MUSK: variants seen among roughly 807,000 people sequenced by gnomAD.
MUSK encodes the protein muscle, skeletal receptor tyrosine-protein kinase.
In MUSK, 55 loss-of-function variants were observed where a neutral mutation model predicts 88.7. The observed-to-expected ratio is 0.62, with a 90% CI of 0.50 to 0.78. MUSK has a LOEUF of 0.78. Among genes scored for constraint, MUSK ranks in the 30% least tolerant of loss-of-function variants. The pLI, the probability that MUSK is intolerant of heterozygous loss-of-function variation, is 0.00. For missense variants in MUSK, 1,015 were observed against 1,074.3 expected, an observed-to-expected ratio of 0.94 and a Z score of 0.77; for synonymous variants, 387 against 391.9, an observed-to-expected ratio of 0.99 and a Z score of 0.15.
intron 1 of MUSK, among the ~76,000 whole-genome samples, chr9:110,670,823 C>A (rs911474350): frequency 3.3e-5 from 5 of 152,024 alleles, no homozygotes; most frequent in African/African-American, 9.7e-5. Flanking sequence ...AGCCAAAATA[C>A]CATGTCTAGG....
At chr9:110,763,590 G>A (rs1238997845) in intron 8 of MUSK, among the ~76,000 whole-genome samples, 2 of 152,196 alleles carry the variant, frequency 1.3e-5, no homozygotes, top group Non-Finnish European at 2.9e-5. Context: ...AAGTAGCACA[G>A]AATCTGTCAT....
intron 5 of MUSK, among the ~76,000 whole-genome samples, chr9:110,699,795 G>A (rs1245454055): frequency 6.6e-6 from 1 of 152,160 alleles, no homozygotes; most frequent in African/African-American, 2.4e-5. Flanking sequence ...AATTAGTTAT[G>A]CAGTGACTAT....
chr9:110,804,369 A>G lies in MUSK; in HGVS notation c.*3381A>G, dbSNP rs1229395152. Among the ~76,000 whole-genome samples the G allele has an allele frequency of 6.6e-6, 1 of 152,150 alleles. No homozygotes were observed. The highest frequency in any genetic ancestry group is 1.5e-5 in the Non-Finnish European group (1 of 67,984). ...CTGCAGAAATATTACTGCCACTTCT[A>G]CATTGTACAAGAGATCTCATAGCCC... On this transcript the variant is annotated 3_prime_UTR_variant, in exon 15 of 15. Coordinates refer to ENST00000374448, the MANE Select transcript of MUSK (RefSeq NM_005592.4).
At position 110,806,416 on chromosome 9, in the gene MUSK, C is replaced by T. The variant is rs529656; in HGVS notation, c.*5428C>T. On this transcript the variant is annotated 3_prime_UTR_variant, in exon 15 of 15. Coordinates refer to ENST00000374448, the MANE Select transcript of MUSK (RefSeq NM_005592.4). The stretch of plus-strand genomic sequence containing the variant: ...TCAGTCAACTATACACCTATTTCTA[C>T]GCTGTCAACTATATGTTCATTTCTA... 4.4e-3 allele frequency among the ~76,000 whole-genome samples: 664 copies of T among 152,276 alleles called. 2 individuals carry two copies. The highest frequency in any genetic ancestry group is 7.1e-3 in the Non-Finnish European group (482 of 68,014).
intron 7 of MUSK, among the ~76,000 whole-genome samples, chr9:110,757,212 A>G: frequency 6.6e-6 from 1 of 152,188 alleles, no homozygotes; most frequent in South Asian, 2.1e-4. Flanking sequence ...GTATCCCAGC[A>G]CTTTGGGAGG....
chr9:110,751,607 T>C (rs944098918), intron 7 of MUSK, among the ~76,000 whole-genome samples: 2 of 152,130 alleles, frequency 1.3e-5, no homozygotes, highest in African/African-American at 2.4e-5. Flanking sequence ...GAACCAGCTA[T>C]GACTTTTCAT....
chr9:110,736,966 A>G (rs1009144354), intron 6 of MUSK, among the ~76,000 whole-genome samples: 1 of 151,922 alleles, frequency 6.6e-6, no homozygotes, highest in African/African-American at 2.4e-5. Flanking sequence ...GTTCTTTTAT[A>G]TCTTAATTTA....
chr9:110,734,379 AGTGTCAT>A lies in MUSK; in HGVS notation c.753+9_753+15del. 6.2e-7 allele frequency: 1 copy of A among 1,613,028 alleles called. No homozygotes were observed. The highest frequency in any genetic ancestry group is 1.3e-5 in the African/African-American group (1 of 74,934). On this transcript the variant is annotated splice_donor_5th_base_variant and intron_variant, in intron 6 of 14. Coordinates refer to ENST00000374448, the MANE Select transcript of MUSK (RefSeq NM_005592.4). ...CTGGATTGAAAACGGAAATGCTGTG[AGTGTCAT>A]GTGTGTGGGGACTTGTCTGGGGAAG...
At chr9:110,768,219 T>C in intron 9 of MUSK, 136 bp downstream of exon 9, 2 of 889,212 alleles carry the variant, frequency 2.2e-6, no homozygotes, top group Non-Finnish European at 3.4e-6. Flanking sequence ...GGTTAATGCC[T>C]GGGTGCAGTG....
intron 6 of MUSK, among the ~76,000 whole-genome samples, chr9:110,738,491 A>G (rs2131850531): frequency 6.6e-6 from 1 of 152,312 alleles, no homozygotes; most frequent in African/African-American, 2.4e-5. Flanking sequence ...AATCATTAAC[A>G]TTATCCCAAC....
At chr9:110,732,263 G>A (rs551830596) in intron 5 of MUSK, among the ~76,000 whole-genome samples, 1 of 152,050 alleles carries the variant, frequency 6.6e-6, no homozygotes, top group South Asian at 2.1e-4. Context: ...AAAAATTTAG[G>A]AAACACAAGC....
chr9:110,746,748 G>C (rs1324893911), intron 6 of MUSK, among the ~76,000 whole-genome samples: 1 of 152,164 alleles, frequency 6.6e-6, no homozygotes, highest in Non-Finnish European at 1.5e-5. Flanking sequence ...AGAGAGGTCA[G>C]GCAGTTTAAA....
intron 9 of MUSK, among the ~76,000 whole-genome samples, chr9:110,770,484 TTA>T (rs1239413195): frequency 6.8e-6 from 1 of 146,810 alleles, no homozygotes; most frequent in African/African-American, 2.5e-5. Context: ...ATAATTATAA[TTA>T]TAGTTTATAA....
Position 110,805,440 on chromosome 9 carries a change from G to A in MUSK, c.*4452G>A, listed in dbSNP as rs2078148985. The stretch of plus-strand genomic sequence containing the variant: ...CACTTCTTTAAATACTAATAAAATT[G>A]AACATTGTTTAATGTTTTGAGGATA... On this transcript the variant is annotated 3_prime_UTR_variant, in exon 15 of 15. Transcript: ENST00000374448. 1.3e-5 allele frequency among the ~76,000 whole-genome samples: 2 copies of A among 151,760 alleles called. No individual in the cohort carries two copies.
In MUSK at chr9:110,787,813, C is replaced by G; in HGVS notation, c.1902C>G (p.Asp634Glu). The change falls in exon 14 of 15, where the codon GAC becomes GAG. Residue 634 changes from aspartate to glutamate, a missense_variant. Coordinates refer to ENST00000374448, the MANE Select transcript of MUSK (RefSeq NM_005592.4). ...QREAALMAEF[D>E]NPNIVKLLGV... is the part of the protein sequence containing the mutation. ...AGGCAGCCCTCATGGCAGAATTTGA[C>G]AACCCTAACATTGTGAAGCTATTAG... 6.2e-7 allele frequency: 1 copy of G among 1,612,974 alleles called. No homozygotes were observed. The highest frequency in any genetic ancestry group is 8.5e-7 in the Non-Finnish European group (1 of 1,179,424).
intron 7 of MUSK, among the ~76,000 whole-genome samples, chr9:110,751,988 C>T (rs761061855): frequency 3.3e-5 from 5 of 152,148 alleles, no homozygotes; most frequent in Non-Finnish European, 7.3e-5. Context: ...AAAATTGCTA[C>T]ACATCTAGTG....
At chr9:110,728,084 C>T (rs2076911226) in intron 5 of MUSK, among the ~76,000 whole-genome samples, 1 of 152,098 alleles carries the variant, frequency 6.6e-6, no homozygotes, top group South Asian at 2.1e-4. Flanking sequence ...GTGGACCTTA[C>T]TTCCTTAGTA....
intron 5 of MUSK, among the ~76,000 whole-genome samples, chr9:110,731,043 A>G (rs1353006692): frequency 6.6e-6 from 1 of 152,050 alleles, no homozygotes; most frequent in African/African-American, 2.4e-5. Flanking sequence ...TACACATAAC[A>G]TATCCAAGTC....
intron 9 of MUSK, chr9:110,775,319 C>T (rs541959837): frequency 3.8e-4 from 68 of 178,770 alleles, no homozygotes; most frequent in Middle Eastern, 5.0e-3. Flanking sequence ...GGACAAAGCA[C>T]ACAGAGGCCC....
Sources: allele counts gnomAD v4.1 joint callset (sites outside exome capture counted in the v4.1 genomes callset), GRCh38; gene constraint gnomAD v4.1.1; transcripts MANE v1.5; gene names NCBI Gene and HGNC (gene_info 2026-07-23, HGNC 2026-07-21).